ITPA: variants seen among roughly 807,000 people sequenced by gnomAD.
The protein encoded by ITPA is inosine triphosphate pyrophosphatase.
ITPA carries 29 observed loss-of-function variants against 29.6 expected under a neutral mutation model. That is an observed-to-expected ratio of 0.98 (90% CI 0.73 to 1.34). ITPA has a LOEUF of 1.34. Ranked by LOEUF, ITPA falls within the 40% of genes most tolerant of loss-of-function variation. The pLI is 0.00. For missense variants in ITPA, 241 were observed against 251.5 expected (o/e 0.96, Z 0.28); for synonymous variants, 103 against 99.3 (o/e 1.04, Z -0.22).
upstream of ITPA, among the ~76,000 whole-genome samples, chr20:3,204,155 C>G (rs2067054851): frequency 6.6e-6 from 1 of 152,172 alleles, no homozygotes; most frequent in Non-Finnish European, 1.5e-5. Context: ...CTTCCTGGCA[C>G]CTGCTCTGGA....
chr20:3,213,177 G>C lies in ITPA; in HGVS notation c.75G>C (p.Gln25His). 6.2e-7 allele frequency: 1 copy of C among 1,614,104 alleles called. No individual in the cohort carries two copies. The highest frequency in any genetic ancestry group is 8.5e-7 in the Non-Finnish European group (1 of 1,179,946). ...CTTTTCTCTTGGAACAGGTCGTTCA[G>C]ATTCTAGGAGATAAGTTTCCATGCA... is the stretch of plus-strand genomic sequence containing the variant. ...GNAKKLEEVV[Q>H]ILGDKFPCTL... The change falls in exon 2 of 8, where the codon CAG (glutamine) becomes CAC (histidine). Residue 25 changes from glutamine to histidine, a missense_variant. Coordinates refer to ENST00000380113, the MANE Select transcript of ITPA (RefSeq NM_033453.4).
At chr20:3,211,521 C>T (rs1239330162) in intron 1 of ITPA, among the ~76,000 whole-genome samples, 1 of 135,072 alleles carries the variant, frequency 7.4e-6, no homozygotes, top group African/African-American at 2.6e-5. Flanking sequence ...TAGACAAAGT[C>T]TCACTCTGTT....
upstream of ITPA, among the ~76,000 whole-genome samples, chr20:3,208,475 A>G (rs1192778836): frequency 6.6e-6 from 1 of 152,160 alleles, no homozygotes; most frequent in Non-Finnish European, 1.5e-5. Flanking sequence ...TCCCGAATTC[A>G]GGCGATTCTC....
upstream of ITPA, chr20:3,204,385 A>C (rs2067056042): frequency 5.4e-6 from 4 of 738,138 alleles, no homozygotes; most frequent in South Asian, 3.7e-5. Flanking sequence ...GGCACTGCGG[A>C]AGCCCCACCC....
upstream of ITPA, among the ~76,000 whole-genome samples, chr20:3,206,551 C>G (rs930511803): frequency 6.6e-6 from 1 of 152,038 alleles, no homozygotes; most frequent in African/African-American, 2.4e-5. Flanking sequence ...ACAAAATTAG[C>G]CGGGTGTGGT....
In ITPA at chr20:3,215,302, A is replaced by C. The variant is rs1355494374; in HGVS notation, c.285A>C (p.Leu95Phe). 3 of 1,613,830 alleles carry C rather than the reference A, an allele frequency of 1.9e-6. No homozygotes were observed. In the African/African-American group the frequency reaches 4.0e-5, roughly 22 times the overall value. Residue 95 changes from leucine (L) to phenylalanine (F), a missense_variant, in exon 5 of 8, where the codon TTA (leucine) becomes TTC (phenylalanine). By Grantham distance (22) the Leu-to-Phe change is conservative. Transcript: ENST00000380113. The stretch of plus-strand genomic sequence containing the variant: ...GCAGAAAGTGGTTTCTGGAGAAGTT[A>C]AAGCCTGAAGGTATTATCTGCTTTG... The part of the protein sequence containing the change: ...GPYIKWFLEK[L>F]KPEGLHQLLA...
chr20:3,206,933 G>C (rs965682869), upstream of ITPA, among the ~76,000 whole-genome samples: 3 of 151,924 alleles, frequency 2.0e-5, no homozygotes, highest in Non-Finnish European at 4.4e-5. Context: ...AGAACTGCTC[G>C]AACCCAATAT....
chr20:3,213,097 C>T lies in ITPA; in HGVS notation c.67-72C>T, dbSNP rs1208305632. 1.4e-5 allele frequency: 20 copies of T among 1,429,924 alleles called. No homozygotes were observed. The East Asian group carries it at 3.2e-4, about 23-fold the overall frequency. 88.6% of individuals were successfully genotyped at this position (1,429,924 alleles called of 1,614,324 possible). A position where few individuals can be genotyped will look rare whatever the true frequency, so the allele number is the denominator to read the frequency against. The stretch of plus-strand genomic sequence containing the variant: ...GCAGCAGAGTTATCGATGAGAAAGG[C>T]GGATGACAGCTCACGTGCTCACATG... On this transcript the variant is annotated intron_variant, in intron 1 of 7. Coordinates refer to ENST00000380113, the MANE Select transcript of ITPA (RefSeq NM_033453.4).
In ITPA at chr20:3,219,380, G is replaced by A. The variant is rs143585776; in HGVS notation, c.411+748G>A. Among the ~76,000 whole-genome samples, 636 of 151,642 alleles carry A rather than the reference G, an allele frequency of 4.2e-3. 5 individuals carry two copies. Among genetic ancestry groups the A allele is most frequent in the African/African-American group, 0.015 (600 of 41,356 alleles). On this transcript the variant is annotated intron_variant, in intron 6 of 7. Coordinates refer to ENST00000380113, the MANE Select transcript of ITPA (RefSeq NM_033453.4). ...TCCTAGCACTTTGCGAGGCCCCAGC[G>A]GGAGGCTTTCTTGAGCCCAGGTGTT... is the stretch of plus-strand genomic sequence containing the variant.
chr20:3,220,419 G>T (rs1054732984), intron 6 of ITPA, among the ~76,000 whole-genome samples: 1 of 152,008 alleles, frequency 6.6e-6, no homozygotes, highest in Non-Finnish European at 1.5e-5. Flanking sequence ...TTGCGTGGTT[G>T]AGGTTCAGTA....
upstream of ITPA, chr20:3,208,904 TTG>T (rs2067110517): frequency 6.5e-6 from 1 of 154,990 alleles, no homozygotes; most frequent in African/African-American, 2.4e-5. Flanking sequence ...CTACTTTCTG[TTG>T]TGTTTGGAAT....
intron 5 of ITPA, among the ~76,000 whole-genome samples, chr20:3,216,654 A>G (rs1164315726): frequency 6.6e-6 from 1 of 151,414 alleles, no homozygotes; most frequent in Non-Finnish European, 1.5e-5. Context: ...GTTTCACTAT[A>G]TTGGCCAGGC....
At chr20:3,207,248 C>A (rs556760971), upstream of ITPA, among the ~76,000 whole-genome samples, 37 of 152,228 alleles carry the variant, frequency 2.4e-4, no homozygotes, top group African/African-American at 8.4e-4. Flanking sequence ...TGCCCCCAAG[C>A]CCAACTAATT....
chr20:3,221,791 G>A (rs910812118), intron 6 of ITPA, 50 bp from the exon 7 acceptor site: 1 of 1,557,544 alleles, frequency 6.4e-7, no homozygotes, highest in African/African-American at 1.4e-5. Flanking sequence ...CCCTCCTCGT[G>A]CTTGTCCTCT....
At chr20:3,221,323 A>G (rs2067457381) in intron 6 of ITPA, among the ~76,000 whole-genome samples, 1 of 150,042 alleles carries the variant, frequency 6.7e-6, no homozygotes, top group Non-Finnish European at 1.5e-5. Context: ...GCCAGTACGT[A>G]TTGTACTCAC....
chr20:3,221,674 T>C (rs2067466703), intron 6 of ITPA, 167 bp from the exon 7 acceptor site: 1 of 697,710 alleles, frequency 1.4e-6, no homozygotes, highest in East Asian at 2.7e-5. Context: ...CTGCTTTTTA[T>C]TGTATTCAGC....
chr20:3,214,066 A>G lies in ITPA; in HGVS notation c.263+8A>G. 1 of 1,613,930 alleles carries G rather than the reference A, an allele frequency of 6.2e-7. No homozygotes were observed. Among genetic ancestry groups the G allele is most frequent in the Non-Finnish European group, 8.5e-7 (1 of 1,179,768 alleles). On this transcript the variant is annotated splice_region_variant and intron_variant, in intron 4 of 7. Coordinates refer to ENST00000380113, the MANE Select transcript of ITPA (RefSeq NM_033453.4). ...GCTCCCCGGCCCCTACATGTGAGTG[A>G]CTACCTCCACCCCCTTACAGGGCGT...
At position 3,213,231 on chromosome 20, in the gene ITPA, G is replaced by T. The variant is rs368434084; in HGVS notation, c.124+5G>T. ...TGGTGGCACAGAAAATTGACCGTAT[G>T]TCTCTGTTTTGTTTTATTTTTAAAA... On this transcript the variant is annotated splice_donor_5th_base_variant and intron_variant, in intron 2 of 7. Transcript: ENST00000380113. 2.5e-6 allele frequency: 4 copies of T among 1,614,098 alleles called. No individual in the cohort carries two copies. Among genetic ancestry groups the T allele is most frequent in the Non-Finnish European group, 3.4e-6 (4 of 1,180,048 alleles).
chr20:3,204,688 G>C, upstream of ITPA: 1 of 1,495,008 alleles, frequency 6.7e-7, no homozygotes, highest in Non-Finnish European at 9.0e-7. Flanking sequence ...CATAGGCCCC[G>C]CCCCTATTTC....
Sources: allele counts gnomAD v4.1 joint callset (sites outside exome capture counted in the v4.1 genomes callset), GRCh38; gene constraint gnomAD v4.1.1; transcripts MANE v1.5; gene names NCBI Gene and HGNC (gene_info 2026-07-23, HGNC 2026-07-21).